ZFHX3: variants seen among roughly 807,000 people sequenced by gnomAD.
ZFHX3 encodes zinc finger homeobox protein 3.
Under a neutral mutation model 279.1 loss-of-function variants are expected in ZFHX3, and 42 were observed. The ratio of observed to expected loss-of-function variants is 0.15; its 90% CI spans 0.12 to 0.19. The LOEUF (loss-of-function observed/expected upper bound fraction) is 0.19, where lower values mean the gene tolerates loss of function less well. ZFHX3 is among the 10% of genes least tolerant of loss of function. ZFHX3 has a pLI of 1.00. For missense variants in ZFHX3, 4,981 were observed against 4,754.0 expected, an observed-to-expected ratio of 1.05 and a Z score of -1.40; for synonymous variants, 2,293 against 1,957.8, an observed-to-expected ratio of 1.17 and a Z score of -4.52.
At chr16:73,251,417 C>G (rs997676659) in intron 5 of ZFHX3, among the ~76,000 whole-genome samples, 1 of 152,266 alleles carries the variant, frequency 6.6e-6, no homozygotes, top group African/African-American at 2.4e-5. Flanking sequence ...AAATCTGTTA[C>G]GTGTATTACC....
In ZFHX3 at chr16:72,958,583, C is replaced by A. The variant is rs62640007; in HGVS notation, c.1563G>T (p.Lys521Asn). The A allele has an allele frequency of 6.8e-4, 1,105 of 1,614,068 alleles. 3 individuals carry two copies. The highest frequency in any genetic ancestry group is 4.0e-4 in the Non-Finnish European group (467 of 1,180,014). The change falls in exon 2 of 10, where the codon AAG (lysine) becomes AAT (asparagine). Residue 521 changes from lysine (K) to asparagine (N), a missense_variant. By Grantham distance (94) the Lys-to-Asn change is moderately conservative. Around this residue, in one of 7 missense-constraint regions of ZFHX3, gnomAD observed 1,068 missense variants for 935.2 expected, o/e 1.14. Coordinates refer to ENST00000268489, the MANE Select transcript of ZFHX3 (RefSeq NM_006885.4). ...TGCTTTGGTTTGAGAGAGCAAGGTC[C>A]TTTTTGCTGCTACTACCTGCTGCGG... ...PGAAAGSSSK[K>N]DLALSNQSIS...
intron 4 of ZFHX3, among the ~76,000 whole-genome samples, chr16:73,276,647 T>C (rs2014310221): frequency 6.6e-6 from 1 of 152,238 alleles, no homozygotes; most frequent in Admixed American, 6.5e-5. Flanking sequence ...AAACGATGTT[T>C]TCCTATATAG....
chr16:72,958,845 T>C lies in ZFHX3; in HGVS notation c.1301A>G (p.Lys434Arg). 1 of 1,614,026 alleles carries C rather than the reference T, an allele frequency of 6.2e-7. No individual in the cohort carries two copies. Among genetic ancestry groups the C allele is most frequent in the Non-Finnish European group, 8.5e-7 (1 of 1,179,984 alleles). Residue 434 changes from lysine to arginine, a missense_variant, in exon 2 of 10, where the codon AAG (lysine) becomes AGG (arginine). By Grantham distance (26) the Lys-to-Arg change is conservative. This residue lies in a region of ZFHX3 where 1,068 missense variants were observed against 935.2 expected (regional missense o/e 1.14). Transcript: ENST00000268489. Reference protein sequence around the residue: ...ASSPTKSSEGKDSGAAEGEKQ... With the variant: ...ASSPTKSSEGRDSGAAEGEKQ... ...CTCTCCTTCTGCCGCCCCAGAGTCC[T>C]TGCCCTCTGAGGATTTGGTAGGACT...
At chr16:73,798,959 G>A (rs531686541) in intron 1 of ZFHX3, among the ~76,000 whole-genome samples, 1 of 152,164 alleles carries the variant, frequency 6.6e-6, no homozygotes, top group Non-Finnish European at 1.5e-5. Flanking sequence ...ATCAGAAACA[G>A]ACTCCTAGAA....
At chr16:72,889,216 T>G (rs1413477359) in intron 4 of ZFHX3, among the ~76,000 whole-genome samples, 3 of 152,000 alleles carry the variant, frequency 2.0e-5, no homozygotes, top group African/African-American at 7.2e-5. Context: ...ACAACTGAAA[T>G]TTTTATAACA....
rs936814006 is a variant in ZFHX3, at chr16:73,650,008, T to C, written c.-1547+30172A>G. Among the ~76,000 whole-genome samples, 26 of 152,160 alleles carry C rather than the reference T, an allele frequency of 1.7e-4. 1 individual carries two copies. Among genetic ancestry groups the C allele is most frequent in the Non-Finnish European group, 4.4e-5 (3 of 68,030 alleles). ...GATAAACAACTTATTTATCTGTGCG[T>C]CAGTTTACTCATTTTTAAAATGAGA... On this transcript the variant is annotated intron_variant, in intron 2 of 17. Coordinates refer to the ZFHX3 transcript ENST00000641206.
intron 4 of ZFHX3, among the ~76,000 whole-genome samples, chr16:73,285,692 A>G (rs1475680435): frequency 6.6e-6 from 1 of 152,228 alleles, no homozygotes; most frequent in Non-Finnish European, 1.5e-5. Flanking sequence ...CGGAGCTTTC[A>G]CATCTTACTC....
chr16:73,448,968 A>G (rs2018239165), intron 3 of ZFHX3, among the ~76,000 whole-genome samples: 2 of 152,220 alleles, frequency 1.3e-5, no homozygotes, highest in African/African-American at 2.4e-5. Context: ...CATATTTACA[A>G]GGTTCTAAAG....
At chr16:72,990,944 C>T (rs144001894) in intron 1 of ZFHX3, among the ~76,000 whole-genome samples, 2,093 of 151,692 alleles carry the variant, frequency 0.014, 50 homozygotes, top group African/African-American at 0.048. Flanking sequence ...CGCGTCACTG[C>T]ACTCCAGCCT....
chr16:73,648,563 T>C (rs2052642131), intron 2 of ZFHX3, among the ~76,000 whole-genome samples: 1 of 151,258 alleles, frequency 6.6e-6, no homozygotes, highest in African/African-American at 2.4e-5. Context: ...CTAATTTTTG[T>C]TTGTTTGTTT....
At chr16:73,599,671 T>TATATA (rs2052090102) in intron 2 of ZFHX3, among the ~76,000 whole-genome samples, 1 of 151,650 alleles carries the variant, frequency 6.6e-6, no homozygotes, top group Non-Finnish European at 1.5e-5. Flanking sequence ...TGATGGCAGC[T>TATATA]GATTGAGAAC....
chr16:73,680,360 T>G (rs1194695661), intron 1 of ZFHX3: 1 of 151,938 alleles, frequency 6.6e-6, no homozygotes, highest in Admixed American at 6.6e-5. Context: ...ACATTCTGAG[T>G]GGAAAGTTGC....
chr16:73,519,779 T>C (rs927302178), intron 2 of ZFHX3, among the ~76,000 whole-genome samples: 7 of 152,162 alleles, frequency 4.6e-5, no homozygotes, highest in African/African-American at 1.7e-4. Flanking sequence ...CTACTTCCTT[T>C]ACCAGGGGTT....
chr16:73,631,557 A>G (rs1459967643), intron 2 of ZFHX3, among the ~76,000 whole-genome samples: 1 of 152,210 alleles, frequency 6.6e-6, no homozygotes, highest in African/African-American at 2.4e-5. Context: ...GTTAGAAACA[A>G]CACATTAATT....
At chr16:73,044,606 G>A (rs925268152) in intron 1 of ZFHX3, among the ~76,000 whole-genome samples, 3 of 151,846 alleles carry the variant, frequency 2.0e-5, no homozygotes, top group Non-Finnish European at 4.4e-5. Flanking sequence ...GTGAGTGTTT[G>A]TTTGTTTGTT....
intron 4 of ZFHX3, among the ~76,000 whole-genome samples, chr16:73,296,673 G>T (rs998916820): frequency 6.6e-6 from 1 of 152,030 alleles, no homozygotes; most frequent in African/African-American, 2.4e-5. Flanking sequence ...CCTAAGATAG[G>T]CAGTTACGTA....
intron 2 of ZFHX3, among the ~76,000 whole-genome samples, chr16:73,642,113 A>C (rs1361169035): frequency 6.6e-6 from 1 of 152,186 alleles, no homozygotes; most frequent in African/African-American, 2.4e-5. Flanking sequence ...ACATCAGGTC[A>C]CATTGGTTCA....
intron 2 of ZFHX3, among the ~76,000 whole-genome samples, chr16:73,619,487 C>CA (rs147107485): frequency 5.9e-5 from 8 of 136,462 alleles, no homozygotes; most frequent in African/African-American, 1.2e-4. Context: ...TACTGTGTCT[C>CA]AAAAAAAAAA....
intron 1 of ZFHX3, among the ~76,000 whole-genome samples, chr16:73,793,356 T>C (rs1959891255): frequency 6.6e-6 from 1 of 152,220 alleles, no homozygotes; most frequent in South Asian, 2.1e-4. Context: ...CTTGGATTCT[T>C]ATTTCTGAAA....
Sources: gnomAD v4.1 joint callset for allele counts (sites outside exome capture counted in the v4.1 genomes callset) on GRCh38, gnomAD v4.1.1 for gene constraint, gnomAD v4.1.1 regional missense constraint, MANE v1.5 for transcripts, NCBI Gene and HGNC (gene_info 2026-07-23, HGNC 2026-07-21) for gene names.